LARGE1: variants seen among roughly 807,000 people sequenced by gnomAD.
LARGE1 encodes LARGE xylosyl- and glucuronyltransferase 1.
Under a neutral mutation model 87.6 loss-of-function variants are expected in LARGE1, and 43 were observed. The ratio of observed to expected loss-of-function variants is 0.49; its 90% confidence interval spans 0.38 to 0.63. The LOEUF (loss-of-function observed/expected upper bound fraction) is 0.63. Among genes scored for constraint, LARGE1 ranks in the 30% least tolerant of loss-of-function variants. The pLI is 0.00. For missense variants in LARGE1, 802 were observed against 1,000.2 expected (o/e 0.80, Z 2.67); for synonymous variants, 434 against 394.6 (o/e 1.10, Z -1.18).
At chr22:33,323,390 T>C (rs1417007117) in intron 10 of LARGE1, among the ~76,000 whole-genome samples, 2 of 152,342 alleles carry the variant, frequency 1.3e-5, no homozygotes, top group East Asian at 3.9e-4. Flanking sequence ...TCAGCACACA[T>C]ATCTGTTGTA....
At chr22:33,856,564 A>G (rs999969901) in intron 1 of LARGE1, among the ~76,000 whole-genome samples, 2 of 152,210 alleles carry the variant, frequency 1.3e-5, no homozygotes, top group Non-Finnish European at 2.9e-5. Context: ...ACCGGATTAC[A>G]GCCCTAAACT....
rs147623955 is a variant in LARGE1 at position 33,878,922 on chromosome 22, C to T, written c.-83+41073G>A. Among the ~76,000 whole-genome samples, 96 of 151,730 alleles carry T rather than the reference C, an allele frequency of 6.3e-4. 2 individuals are homozygous for T. The highest frequency in any genetic ancestry group is 6.0e-3 in the Admixed American group (91 of 15,264). ...CATCAGGATGCATGATATTCAGATG[C>T]TTTCAATACTTGGCCATAGTGACAT... On this transcript the variant is annotated intron_variant, in intron 1 of 14. Coordinates refer to ENST00000397394, the MANE Select transcript of LARGE1 (RefSeq NM_133642.5).
chr22:33,128,275 C>A, the LARGE1 span, among the ~76,000 whole-genome samples: 5 of 152,180 alleles, frequency 3.3e-5, no homozygotes, highest in Non-Finnish European at 7.3e-5. Flanking sequence ...GAATAGAAAT[C>A]ATTTTATTAT....
At chr22:33,291,795 C>T (rs1256832064) in intron 12 of LARGE1, among the ~76,000 whole-genome samples, 1 of 151,798 alleles carries the variant, frequency 6.6e-6, no homozygotes, top group Non-Finnish European at 1.5e-5. Flanking sequence ...ATGCAGTGTT[C>T]AAAGAACCAT....
the LARGE1 span, among the ~76,000 whole-genome samples, chr22:33,124,262 C>G: frequency 1.3e-5 from 2 of 151,508 alleles, no homozygotes; most frequent in African/African-American, 4.9e-5. Flanking sequence ...AAGATCGCAC[C>G]ACTGCACTCC....
the LARGE1 span, among the ~76,000 whole-genome samples, chr22:33,137,974 G>T: frequency 6.6e-6 from 1 of 152,228 alleles, no homozygotes. Flanking sequence ...AGAGTCCCCA[G>T]TGGGGCTCCA....
chr22:33,795,329 T>C (rs1259377487), intron 1 of LARGE1, among the ~76,000 whole-genome samples: 1 of 152,214 alleles, frequency 6.6e-6, no homozygotes, highest in Admixed American at 6.5e-5. Context: ...CACTACTTAC[T>C]TATATGTAGG....
chr22:33,787,797 A>G (rs905310914), intron 1 of LARGE1, among the ~76,000 whole-genome samples: 3 of 152,202 alleles, frequency 2.0e-5, no homozygotes, highest in African/African-American at 4.8e-5. Context: ...GAAGGAACTG[A>G]GAGTTTCCAT....
At chr22:33,605,752 T>C (rs1053340212) in intron 4 of LARGE1, among the ~76,000 whole-genome samples, 1 of 152,168 alleles carries the variant, frequency 6.6e-6, no homozygotes, top group African/African-American at 2.4e-5. Flanking sequence ...AAGATGAGAA[T>C]GACCCGGCCC....
chr22:33,561,563 C>T (rs945448889), intron 6 of LARGE1, among the ~76,000 whole-genome samples: 1 of 152,218 alleles, frequency 6.6e-6, no homozygotes, highest in Non-Finnish European at 1.5e-5. Context: ...CCCGGTGTAG[C>T]TACGGGCTCA....
At chr22:33,778,987 C>A (rs2085335009) in intron 1 of LARGE1, among the ~76,000 whole-genome samples, 1 of 152,108 alleles carries the variant, frequency 6.6e-6, no homozygotes, top group Admixed American at 6.5e-5. Context: ...TAGTCCATTG[C>A]ACGGAGAGGC....
At chr22:33,375,412 G>A (rs1041365911) in intron 9 of LARGE1, among the ~76,000 whole-genome samples, 8 of 152,112 alleles carry the variant, frequency 5.3e-5, no homozygotes. Context: ...ATGTCTGTAA[G>A]CCAGGTGGGC....
chr22:33,177,014 G>A (rs948798143), intron 11 of LARGE1, among the ~76,000 whole-genome samples: 2 of 152,164 alleles, frequency 1.3e-5, no homozygotes, highest in African/African-American at 4.8e-5. Flanking sequence ...GCAGGAACAT[G>A]GATGAAGCTG....
chr22:33,535,142 G>A (rs1184088091), intron 6 of LARGE1, among the ~76,000 whole-genome samples: 1 of 152,190 alleles, frequency 6.6e-6, no homozygotes, highest in African/African-American at 2.4e-5. Flanking sequence ...CAGGGCGTAC[G>A]CCTTCTGTTC....
chr22:33,545,257 T>C (rs2077324919), intron 6 of LARGE1, among the ~76,000 whole-genome samples: 1 of 139,210 alleles, frequency 7.2e-6, no homozygotes, highest in Non-Finnish European at 1.5e-5. Context: ...CCTATGTCTT[T>C]CCTTTTCTTT....
chr22:33,379,696 T>C (rs1336270895), intron 9 of LARGE1, among the ~76,000 whole-genome samples: 7 of 152,090 alleles, frequency 4.6e-5, no homozygotes, highest in African/African-American at 1.4e-4. Context: ...AGCAAACAAT[T>C]GCAAGGATAG....
chr22:33,776,416 A>G (rs2085239221), intron 1 of LARGE1, among the ~76,000 whole-genome samples: 1 of 152,196 alleles, frequency 6.6e-6, no homozygotes, highest in Non-Finnish European at 1.5e-5. Context: ...TCAACAATGC[A>G]TTGCCAAAGA....
At chr22:33,778,866 G>A (rs1043960217) in intron 1 of LARGE1, among the ~76,000 whole-genome samples, 1 of 152,052 alleles carries the variant, frequency 6.6e-6, no homozygotes, top group Admixed American at 6.5e-5. Flanking sequence ...GGCCAGGCTG[G>A]TCTCGAACTC....
chr22:33,481,969 C>G (rs1207129827), intron 6 of LARGE1, among the ~76,000 whole-genome samples: 2 of 152,148 alleles, frequency 1.3e-5, no homozygotes, highest in African/African-American at 2.4e-5. Context: ...ACCTACCAGA[C>G]AGTTAGGTCA....
Sources: gnomAD v4.1 joint callset for allele counts (sites outside exome capture counted in the v4.1 genomes callset) on GRCh38, gnomAD v4.1.1 for gene constraint, MANE v1.5 for transcripts, NCBI Gene and HGNC (gene_info 2026-07-23, HGNC 2026-07-21) for gene names.